Variants in TSPAN14 observed in about 807,000 individuals in gnomAD.
The protein encoded by TSPAN14 is tetraspanin 14, also known as tetraspanin-14.
A neutral mutation model predicts 36.6 loss-of-function variants in TSPAN14; 16 were observed. The ratio of observed to expected loss-of-function variants is 0.44; its 90% confidence interval spans 0.30 to 0.66. TSPAN14 has a LOEUF of 0.66. TSPAN14 is among the 30% of genes least tolerant of loss of function. The pLI is 0.12. For synonymous variants in TSPAN14, 139 were observed against 143.8 expected (o/e 0.97, Z 0.24); for missense variants, 231 against 355.1 (o/e 0.65, Z 2.81).
At chr10:80,505,310 G>A (rs1307115144) in intron 3 of TSPAN14, among the ~76,000 whole-genome samples, 1 of 152,184 alleles carries the variant, frequency 6.6e-6, no homozygotes, top group Non-Finnish European at 1.5e-5. Flanking sequence ...GAAGGACATG[G>A]TGCAGTTGCG....
At chr10:80,478,972 A>G (rs1847081344) in intron 1 of TSPAN14, among the ~76,000 whole-genome samples, 1 of 152,034 alleles carries the variant, frequency 6.6e-6, no homozygotes, top group African/African-American at 2.4e-5. Flanking sequence ...TGACTTTTTA[A>G]TGATTGCCAT....
At position 80,511,762 on chromosome 10, in the gene TSPAN14, CTCTCTCTCT is replaced by C. The variant is rs1564745281; in HGVS notation, c.451-381_451-373del. 1.6e-3 allele frequency among the ~76,000 whole-genome samples: 210 copies of C among 133,620 alleles called. 8 individuals are homozygous for C. The highest frequency in any genetic ancestry group is 3.8e-3 in the South Asian group (15 of 3,984). The allele number at this position is 133,620 out of a possible 152,430, so 87.7% of individuals were successfully genotyped here. A position where few individuals can be genotyped will look rare whatever the true frequency, so the allele number is the denominator to read the frequency against. ...TCTCTCTCTCTCTCTCTCTCTCTCTCTCTCTCTCTCCCCTTTTTTCTTTCTCTCCTTTTC... is the reference window on the plus strand; with the variant it reads ...TCTCTCTCTCTCTCTCTCTCTCTCTCCCCCTTTTTTCTTTCTCTCCTTTTC... On this transcript the variant is annotated intron_variant, in intron 5 of 8. Coordinates refer to ENST00000429989, the Ensembl canonical transcript of TSPAN14.
intron 2 of TSPAN14, among the ~76,000 whole-genome samples, chr10:80,494,284 A>G (rs1362482783): frequency 6.6e-6 from 1 of 152,226 alleles, no homozygotes; most frequent in African/African-American, 2.4e-5. Context: ...TGTGACCAGC[A>G]TGGCTTAAGG....
At chr10:80,504,466 TAGTCTCTCC>T (rs1481144931) in intron 2 of TSPAN14, among the ~76,000 whole-genome samples, 1 of 152,236 alleles carries the variant, frequency 6.6e-6, no homozygotes, top group African/African-American at 2.4e-5. Flanking sequence ...CTGTGACCCA[TAGTCTCTCC>T]AGGGTGGAGT....
intron 1 of TSPAN14, among the ~76,000 whole-genome samples, chr10:80,474,476 G>A (rs1475369843): frequency 6.6e-6 from 1 of 151,916 alleles, no homozygotes; most frequent in Non-Finnish European, 1.5e-5. Context: ...GGGAGTGAGG[G>A]GAGGGGAGGT....
At chr10:80,482,224 AAATG>A (rs1847317157) in intron 1 of TSPAN14, among the ~76,000 whole-genome samples, 1 of 152,242 alleles carries the variant, frequency 6.6e-6, no homozygotes, top group Non-Finnish European at 1.5e-5. Flanking sequence ...TGATTTTGAA[AAATG>A]AATAGAAAAA....
rs1055978300 is a variant in TSPAN14, at chr10:80,502,977, G to A, written c.82-1751G>A. Among the ~76,000 whole-genome samples, 16 of 152,084 alleles carry A rather than the reference G, an allele frequency of 1.1e-4. No homozygotes were observed. In the South Asian group the frequency reaches 1.2e-3, roughly 12 times the overall value. On this transcript the variant is annotated intron_variant, in intron 2 of 8. Transcript: ENST00000429989. ...TCAGGGGCATATGCTTGGGGTCCCC[G>A]AAGCAGGGTGTGTCAGTGGAATGGT...
At chr10:80,478,056 T>C (rs755025887) in intron 1 of TSPAN14, among the ~76,000 whole-genome samples, 5 of 151,916 alleles carry the variant, frequency 3.3e-5, no homozygotes, top group South Asian at 2.1e-4. Context: ...CTGCCAGGGA[T>C]TACTAGATGG....
intron 1 of TSPAN14, among the ~76,000 whole-genome samples, chr10:80,477,492 TGAGA>T (rs947473485): frequency 3.6e-4 from 55 of 152,000 alleles, no homozygotes; most frequent in South Asian, 6.2e-4. Flanking sequence ...ACAGGGAGAA[TGAGA>T]AAGAAAACAA....
At chr10:80,476,232 G>C (rs1317560188) in intron 1 of TSPAN14, among the ~76,000 whole-genome samples, 1 of 151,872 alleles carries the variant, frequency 6.6e-6, no homozygotes, top group African/African-American at 2.4e-5. Flanking sequence ...AATCAGTTGG[G>C]CTTGGTAACA....
intron 2 of TSPAN14, among the ~76,000 whole-genome samples, chr10:80,503,278 G>A (rs1041847489): frequency 4.6e-5 from 7 of 152,130 alleles, no homozygotes; most frequent in Non-Finnish European, 8.8e-5. Context: ...ACTGAGAAGC[G>A]GGAAAAGGGT....
chr10:80,475,495 G>T (rs1846813319), intron 1 of TSPAN14, among the ~76,000 whole-genome samples: 1 of 152,170 alleles, frequency 6.6e-6, no homozygotes, highest in African/African-American at 2.4e-5. Flanking sequence ...GAAGCTGGGA[G>T]TTTAAGATCC....
intron 2 of TSPAN14, among the ~76,000 whole-genome samples, chr10:80,490,307 A>C (rs1291972297): frequency 6.6e-6 from 1 of 152,130 alleles, no homozygotes; most frequent in Non-Finnish European, 1.5e-5. Context: ...GCCAACCACC[A>C]TCAGAGGAAG....
intron 1 of TSPAN14, among the ~76,000 whole-genome samples, chr10:80,479,364 G>C (rs1170753162): frequency 6.6e-6 from 1 of 151,724 alleles, no homozygotes; most frequent in Admixed American, 6.6e-5. Flanking sequence ...TGAAGTCCTT[G>C]CCCATGCCTA....
chr10:80,491,179 G>T (rs1299134518), intron 2 of TSPAN14, among the ~76,000 whole-genome samples: 1 of 152,170 alleles, frequency 6.6e-6, no homozygotes, highest in African/African-American at 2.4e-5. Flanking sequence ...TTTTCCTGTG[G>T]TCCGATAACT....
chr10:80,474,953 A>G (rs1846773898), intron 1 of TSPAN14, among the ~76,000 whole-genome samples: 1 of 152,194 alleles, frequency 6.6e-6, no homozygotes. Context: ...ATTGAAGGGA[A>G]TTGAGATTCC....
chr10:80,515,798 C>T (rs2292695), intron 7 of TSPAN14: 18 of 166,902 alleles, frequency 1.1e-4, no homozygotes, highest in Non-Finnish European at 1.8e-4. Context: ...ATGCCCGCTC[C>T]GAGAAGCACC....
intron 5 of TSPAN14, among the ~76,000 whole-genome samples, chr10:80,511,624 G>C (rs143075475): frequency 1.3e-5 from 2 of 151,478 alleles, no homozygotes; most frequent in Non-Finnish European, 2.9e-5. Flanking sequence ...CATGTGGGTT[G>C]GACAGAGGAG....
chr10:80,475,731 C>T (rs1032721216), intron 1 of TSPAN14, among the ~76,000 whole-genome samples: 13 of 152,152 alleles, frequency 8.5e-5, no homozygotes, highest in African/African-American at 3.1e-4. Flanking sequence ...GGATTATAGG[C>T]GCCTGCCACC....
Sources: allele counts gnomAD v4.1 joint callset (sites outside exome capture counted in the v4.1 genomes callset), GRCh38; gene constraint gnomAD v4.1.1; transcripts MANE v1.5; gene names NCBI Gene and HGNC (gene_info 2026-07-23, HGNC 2026-07-21).